SH3GLB2: variants seen among roughly 807,000 people sequenced by gnomAD.
The protein encoded by SH3GLB2 is endophilin-B2.
A neutral mutation model predicts 48.0 loss-of-function variants in SH3GLB2; 24 were observed. The observed-to-expected ratio is 0.50, with a 90% CI of 0.36 to 0.70. The LOEUF (loss-of-function observed/expected upper bound fraction) is 0.70, where lower values mean the gene tolerates loss of function less well. SH3GLB2 is among the 30% of genes least tolerant of loss of function. SH3GLB2 has a pLI of 0.00. For missense variants in SH3GLB2, 425 were observed against 516.0 expected (o/e 0.82, Z 1.71); for synonymous variants, 227 against 207.6 (o/e 1.09, Z -0.80).
At chr9:129,026,746 G>T (rs1324123200) in intron 1 of SH3GLB2, among the ~76,000 whole-genome samples, 1 of 152,238 alleles carries the variant, frequency 6.6e-6, no homozygotes, top group African/African-American at 2.4e-5. Flanking sequence ...GGGAGATAGT[G>T]TGGTTGCCAT....
chr9:129,026,543 C>T (rs1844172419), intron 1 of SH3GLB2, among the ~76,000 whole-genome samples: 1 of 152,030 alleles, frequency 6.6e-6, no homozygotes, highest in South Asian at 2.1e-4. Flanking sequence ...CTCTCAGCTC[C>T]CTCCCTCCCA....
chr9:129,009,555 C>T, intron 9 of SH3GLB2: 2 of 1,546,382 alleles, frequency 1.3e-6, no homozygotes, highest in Non-Finnish European at 1.7e-6. Context: ...CCAGGCATTC[C>T]CTAGAAACCC....
Position 129,022,267 on chromosome 9 carries a change from CG to C in SH3GLB2, c.205+14del. On this transcript the variant is annotated intron_variant, in intron 2 of 10. Coordinates refer to ENST00000372564, the MANE Select transcript of SH3GLB2 (RefSeq NM_020145.4). ...ACGACTACATCCCTCCCCGGGCCCA[CG>C]AACACGCACTCACTGGGGTTGGGCT... is the stretch of plus-strand genomic sequence containing the variant. 6.2e-7 allele frequency: 1 copy of C among 1,611,970 alleles called. No homozygotes were observed. Among genetic ancestry groups the C allele is most frequent in the Non-Finnish European group, 8.5e-7 (1 of 1,179,408 alleles).
chr9:129,017,218 G>A (rs994502669), intron 3 of SH3GLB2, among the ~76,000 whole-genome samples: 19 of 151,870 alleles, frequency 1.3e-4, no homozygotes, highest in Middle Eastern at 3.2e-3. Flanking sequence ...CCAAAGTGGC[G>A]GGATTACAGG....
At chr9:129,013,141 G>T in intron 5 of SH3GLB2, 1 of 1,097,066 alleles carries the variant, frequency 9.1e-7, no homozygotes, top group Non-Finnish European at 1.4e-6. Flanking sequence ...CGGTCGGGCG[G>T]AGGGAGGCAC....
chr9:129,012,198 G>A (rs1261030643), intron 6 of SH3GLB2, 38 bp downstream of exon 6: 11 of 1,209,708 alleles, frequency 9.1e-6, no homozygotes, highest in South Asian at 3.8e-5. Flanking sequence ...TGGGGAGAGA[G>A]GAGGACGAGG....
intron 10 of SH3GLB2, 110 bp from the exon 11 acceptor site, chr9:129,008,901 CACCTT>C: frequency 7.8e-7 from 1 of 1,283,226 alleles, no homozygotes; most frequent in East Asian, 2.4e-5. Context: ...GCATGTGCTA[CACCTT>C]CAGTGGCTGG....
intron 5 of SH3GLB2, chr9:129,013,224 T>C: frequency 1.7e-6 from 1 of 593,444 alleles, no homozygotes. Flanking sequence ...TTGAGTCCTC[T>C]GGAATGCTGT....
intron 6 of SH3GLB2, 195 bp downstream of exon 6, chr9:129,012,041 C>A (rs1009863433): frequency 2.5e-6 from 1 of 402,596 alleles, no homozygotes; most frequent in Non-Finnish European, 4.3e-6. Context: ...TCCATGGCCA[C>A]AGGGCACCGG....
In SH3GLB2 at chr9:129,008,328, G is replaced by A. The variant is rs769015275; in HGVS notation, c.*356C>T. The A allele has an allele frequency of 7.5e-5, 19 of 252,840 alleles. No homozygotes were observed. The highest frequency in any genetic ancestry group is 1.2e-4 in the Non-Finnish European group (15 of 125,954). 15.7% of individuals were successfully genotyped at this position (252,840 alleles called of 1,614,324 possible). A position where few individuals can be genotyped will look rare whatever the true frequency, so the allele number is the denominator to read the frequency against. ...TTGGCAACTGAAAGGCAGGGCTCTC[G>A]CTGAGTGCACCTGGGGCTTCCTGAG... On this transcript the variant is annotated 3_prime_UTR_variant, in exon 11 of 11. Coordinates refer to ENST00000372564, the MANE Select transcript of SH3GLB2 (RefSeq NM_020145.4).
intron 1 of SH3GLB2, among the ~76,000 whole-genome samples, chr9:129,026,040 C>G (rs535913935): frequency 6.6e-6 from 1 of 152,142 alleles, no homozygotes; most frequent in African/African-American, 2.4e-5. Flanking sequence ...TTTCTTGCCT[C>G]GGTGCCCTTA....
At chr9:129,013,303 A>G in intron 5 of SH3GLB2, 1 of 501,548 alleles carries the variant, frequency 2.0e-6, no homozygotes, top group Non-Finnish European at 3.6e-6. Context: ...GAGGTTGTCC[A>G]GGCCCACCAG....
chr9:129,022,259 C>T (rs762172912), intron 2 of SH3GLB2, 23 bp downstream of exon 2: 21 of 1,610,512 alleles, frequency 1.3e-5, no homozygotes, highest in East Asian at 2.2e-5. Flanking sequence ...CATCCCTCCC[C>T]GGGCCCACGA....
intron 7 of SH3GLB2, 76 bp from the exon 8 acceptor site, chr9:129,010,285 C>T (rs143172750): frequency 1.8e-5 from 23 of 1,273,818 alleles, no homozygotes; most frequent in Non-Finnish European, 2.0e-5. Flanking sequence ...TGGAGCCTAC[C>T]TGGGAGCCGC....
chr9:129,010,705 G>A lies in SH3GLB2; in HGVS notation c.625-12C>T, dbSNP rs745355338. 3.1e-6 allele frequency: 5 copies of A among 1,613,918 alleles called. No homozygotes were observed. Among genetic ancestry groups the A allele is most frequent in the Non-Finnish European group, 4.2e-6 (5 of 1,179,934 alleles). On this transcript the variant is annotated splice_polypyrimidine_tract_variant and intron_variant, in intron 6 of 10. Transcript: ENST00000372564. ...TCATCATTCCAGAGCTGTGGAGACG[G>A]CAGCAGGAGTGGCCAGCAGGGGAGG...
At chr9:129,015,770 C>T (rs907961475) in intron 3 of SH3GLB2, 7 of 255,836 alleles carry the variant, frequency 2.7e-5, no homozygotes, top group Non-Finnish European at 4.9e-5. Context: ...GAGGCCCAGG[C>T]GGAAGGATCA....
rs1383051664 is a variant in SH3GLB2, at chr9:129,011,944, C to G, written c.624+292G>C. 1.4e-5 allele frequency: 5 copies of G among 351,542 alleles called. No homozygotes were observed. The highest frequency in any genetic ancestry group is 2.5e-5 in the Non-Finnish European group (5 of 196,322). The allele number at this position is 351,542 out of a possible 1,614,324, so 21.8% of individuals were successfully genotyped here. A position where few individuals can be genotyped will look rare whatever the true frequency, so the allele number is the denominator to read the frequency against. On this transcript the variant is annotated intron_variant, in intron 6 of 10. Coordinates refer to ENST00000372564, the MANE Select transcript of SH3GLB2 (RefSeq NM_020145.4). The surrounding 1 kb of genome is among the most constrained non-coding windows in gnomAD (Gnocchi z 4.5). The stretch of plus-strand genomic sequence containing the variant: ...AGGTGGAGGGGCCCTGGGGATGGGA[C>G]AGCTGCCGCCCTGAGTTCTCCACAC...
At chr9:129,009,374 G>A in intron 9 of SH3GLB2, 28 bp from the exon 10 acceptor site, 2 of 1,550,944 alleles carry the variant, frequency 1.3e-6, no homozygotes, top group South Asian at 2.4e-5. Context: ...ATCTTAGCAG[G>A]TGGGAGTCCC....
At chr9:129,010,004 CCG>C in intron 8 of SH3GLB2, 114 bp downstream of exon 8, 1 of 1,371,664 alleles carries the variant, frequency 7.3e-7, no homozygotes, top group African/African-American at 1.4e-5. Flanking sequence ...CACACCCTCC[CCG>C]GTGGGACTTG....
Sources: gnomAD v4.1 joint callset for allele counts (sites outside exome capture counted in the v4.1 genomes callset) on GRCh38, gnomAD v4.1.1 for gene constraint, Gnocchi (gnomAD v3.1) non-coding constraint, MANE v1.5 for transcripts, NCBI Gene and HGNC (gene_info 2026-07-23, HGNC 2026-07-21) for gene names.